The following RBFOX1 variants were observed in gnomAD, a reference collection of about 807,000 sequenced individuals.
The protein encoded by RBFOX1 is RNA binding fox-1 homolog 1, also known as RNA binding protein fox-1 homolog 1.
RBFOX1 carries 8 observed loss-of-function variants against 57.7 expected under a neutral mutation model. The observed-to-expected ratio is 0.14, with a 90% CI of 0.08 to 0.25. The LOEUF (loss-of-function observed/expected upper bound fraction) is 0.25, where lower values mean the gene tolerates loss of function less well. Among genes scored for constraint, RBFOX1 ranks in the 10% least tolerant of loss-of-function variants. The pLI, the probability that RBFOX1 is intolerant of heterozygous loss-of-function variation, is 1.00. For missense variants in RBFOX1, 611 were observed against 548.5 expected, an observed-to-expected ratio of 1.11 and a Z score of -1.14; for synonymous variants, 326 against 222.4, an observed-to-expected ratio of 1.47 and a Z score of -4.15.
intron 2 of RBFOX1, among the ~76,000 whole-genome samples, chr16:5,558,656 A>G (rs1215047493): frequency 6.6e-6 from 1 of 152,106 alleles, no homozygotes; most frequent in Non-Finnish European, 1.5e-5. Context: ...AGCAAGCTCC[A>G]TGGCTCTGTT....
intron 4 of RBFOX1, among the ~76,000 whole-genome samples, chr16:7,276,056 C>G (rs1411076370): frequency 6.6e-6 from 1 of 152,130 alleles, no homozygotes; most frequent in Non-Finnish European, 1.5e-5. Context: ...ATTGAAAAGG[C>G]AATAAAGAAA....
chr16:7,145,871 A>C (rs2074860073), intron 4 of RBFOX1, among the ~76,000 whole-genome samples: 1 of 151,970 alleles, frequency 6.6e-6, no homozygotes, highest in Non-Finnish European at 1.5e-5. Context: ...CTTCATATAC[A>C]GCCTAGTTCT....
intron 4 of RBFOX1, among the ~76,000 whole-genome samples, chr16:7,169,668 G>A (rs1411386068): frequency 6.6e-6 from 1 of 152,202 alleles, no homozygotes; most frequent in Non-Finnish European, 1.5e-5. Flanking sequence ...CCAAATTTTG[G>A]TGCAGGGTTT....
intron 4 of RBFOX1, among the ~76,000 whole-genome samples, chr16:5,996,194 G>T (rs2060487443): frequency 1.3e-5 from 2 of 152,046 alleles, no homozygotes; most frequent in African/African-American, 4.8e-5. Flanking sequence ...AACAGAAAGG[G>T]ATACTGAACT....
chr16:7,102,212 G>C (rs147133734), intron 4 of RBFOX1, among the ~76,000 whole-genome samples: 1 of 152,150 alleles, frequency 6.6e-6, no homozygotes, highest in African/African-American at 2.4e-5. Context: ...CATTCCCTGA[G>C]GAAATTCGGG....
chr16:6,222,235 T>A (rs771012743), intron 1 of RBFOX1, among the ~76,000 whole-genome samples: 1 of 152,170 alleles, frequency 6.6e-6, no homozygotes, highest in Non-Finnish European at 1.5e-5. Flanking sequence ...TCTTTGGTAT[T>A]CAGGTGTGGC....
rs146529767 is a variant in RBFOX1 at position 7,550,560 on chromosome 16, A to T, written c.271-29217A>T. ...CTACAGGGCATCTTATATTAGTCCT[A>T]ATTAAATGATGCTTTTCATATTAAC... On this transcript the variant is annotated intron_variant, in intron 5 of 15. Transcript: ENST00000550418. Among the ~76,000 whole-genome samples the T allele has an allele frequency of 3.3e-5, 5 of 152,310 alleles. No homozygotes were observed. The East Asian group carries it at 9.7e-4, about 29-fold the overall frequency.
intron 3 of RBFOX1, among the ~76,000 whole-genome samples, chr16:6,918,051 T>A (rs1157129322): frequency 6.6e-6 from 1 of 151,838 alleles, no homozygotes; most frequent in African/African-American, 2.4e-5. Context: ...CTTTGGGAGG[T>A]CGAGGCGGGT....
rs550058264 is a variant in RBFOX1 at position 7,074,395 on chromosome 16, G to A, written c.27+22297G>A. 5.9e-5 allele frequency among the ~76,000 whole-genome samples: 9 copies of A among 152,122 alleles called. No individual in the cohort carries two copies. The East Asian group carries it at 1.5e-3, about 26-fold the overall frequency. On this transcript the variant is annotated intron_variant, in intron 4 of 15. Transcript: ENST00000550418. ...TAAAATGATAATAATTAAAATAATG[G>A]CAAAAGCTGCAATTATTTTGCATCA...
intron 4 of RBFOX1, among the ~76,000 whole-genome samples, chr16:7,459,078 G>A (rs1200901010): frequency 3.9e-5 from 6 of 152,064 alleles, no homozygotes; most frequent in Non-Finnish European, 4.4e-5. Context: ...GGATGGGTGA[G>A]TGGATGGATG....
intron 1 of RBFOX1, among the ~76,000 whole-genome samples, chr16:5,356,904 CT>C (rs1404573059): frequency 6.6e-6 from 1 of 152,170 alleles, no homozygotes; most frequent in Admixed American, 6.5e-5. Context: ...TGGGTGCTTG[CT>C]TTGTTACCTG....
chr16:6,187,894 A>T (rs2097115369), intron 1 of RBFOX1, among the ~76,000 whole-genome samples: 1 of 152,192 alleles, frequency 6.6e-6, no homozygotes, highest in Non-Finnish European at 1.5e-5. Context: ...TTAGAATGTT[A>T]CCAGTGTTAA....
At chr16:5,618,369 G>C (rs944559533) in intron 3 of RBFOX1, among the ~76,000 whole-genome samples, 2 of 151,220 alleles carry the variant, frequency 1.3e-5, no homozygotes, top group Non-Finnish European at 2.9e-5. Flanking sequence ...ACAGAGTCTC[G>C]CTCTGTCACC....
intron 4 of RBFOX1, among the ~76,000 whole-genome samples, chr16:5,874,466 A>G (rs1313413477): frequency 1.3e-5 from 2 of 152,152 alleles, no homozygotes; most frequent in Non-Finnish European, 2.9e-5. Flanking sequence ...GTCTAGCACC[A>G]GAGAGCTATG....
chr16:6,890,262 T>C (rs1338022712), intron 3 of RBFOX1, among the ~76,000 whole-genome samples: 1 of 152,208 alleles, frequency 6.6e-6, no homozygotes, highest in Non-Finnish European at 1.5e-5. Context: ...CTCATGCCTG[T>C]AATCCTGGCA....
At chr16:5,510,519 C>A (rs958413501) in intron 2 of RBFOX1, among the ~76,000 whole-genome samples, 1 of 151,938 alleles carries the variant, frequency 6.6e-6, no homozygotes, top group Non-Finnish European at 1.5e-5. Context: ...CAAAGCAAGT[C>A]GCGTGGCTGA....
intron 4 of RBFOX1, among the ~76,000 whole-genome samples, chr16:7,097,090 C>G (rs1395954705): frequency 6.6e-6 from 1 of 152,044 alleles, no homozygotes; most frequent in African/African-American, 2.4e-5. Flanking sequence ...GCAAGGAGAT[C>G]TAGGACAAAA....
At chr16:6,331,233 G>C (rs1423367443) in intron 2 of RBFOX1, among the ~76,000 whole-genome samples, 1 of 152,116 alleles carries the variant, frequency 6.6e-6, no homozygotes, top group East Asian at 1.9e-4. Flanking sequence ...GGTGGACGTG[G>C]TCAGGAGTTT....
intron 3 of RBFOX1, among the ~76,000 whole-genome samples, chr16:6,889,750 T>C (rs1403611512): frequency 6.6e-6 from 1 of 152,192 alleles, no homozygotes; most frequent in African/African-American, 2.4e-5. Context: ...GAATAGACCC[T>C]TCAGTGGTAA....
Sources: gnomAD v4.1 joint callset for allele counts (sites outside exome capture counted in the v4.1 genomes callset) on GRCh38, gnomAD v4.1.1 for gene constraint, MANE v1.5 for transcripts, NCBI Gene and HGNC (gene_info 2026-07-23, HGNC 2026-07-21) for gene names.